ERFE: variants seen among roughly 807,000 people sequenced by gnomAD.
The protein encoded by ERFE is erythroferrone, also known as complement C1q tumor necrosis factor-related protein 15.
A neutral mutation model predicts 26.6 loss-of-function variants in ERFE; 25 were observed. That is an observed-to-expected ratio of 0.94 (90% CI 0.69 to 1.31). The LOEUF (loss-of-function observed/expected upper bound fraction) is 1.31, where lower values mean the gene tolerates loss of function less well. ERFE is among the 40% of genes most tolerant of loss of function. ERFE has a pLI of 0.00. For synonymous variants in ERFE, 206 were observed against 204.5 expected (o/e 1.01, Z -0.06); for missense variants, 447 against 440.2 (o/e 1.02, Z -0.14).
At chr2:238,163,630 C>T in intron 3 of ERFE, 107 bp from the exon 4 acceptor site, 1 of 1,200,352 alleles carries the variant, frequency 8.3e-7, no homozygotes, top group Non-Finnish European at 1.0e-6. Context: ...CCCACCCCTG[C>T]GCCCGGCAGG....
At position 238,159,136 on chromosome 2, in the gene ERFE, G is replaced by A. The variant is rs1692898776; in HGVS notation, c.129G>A (p.Glu43=). The A allele has an allele frequency of 9.8e-6, 2 of 203,998 alleles. No individual in the cohort carries two copies. Among genetic ancestry groups the A allele is most frequent in the African/African-American group, 2.4e-5 (1 of 42,062 alleles). The allele number at this position is 203,998 out of a possible 1,614,324, so 12.6% of individuals were successfully genotyped here. ...GAPSRSRARR[E]PPPGNELPRG... Reference sequence around the variant, plus strand: ...CCTCGAGGAGCCGCGCCCGCAGGGAGCCGCCGCCCGGGAACGAGCTGCCCC... The same window carrying A: ...CCTCGAGGAGCCGCGCCCGCAGGGAACCGCCGCCCGGGAACGAGCTGCCCC... The change falls in exon 1 of 8, where the codon GAG becomes GAA. Residue 43 remains glutamate (E), a synonymous_variant. Coordinates refer to ENST00000546354, the MANE Select transcript of ERFE (RefSeq NM_001291832.2).
At position 238,168,196 on chromosome 2, in the gene ERFE, A is replaced by G. The variant is rs114462125; in HGVS notation, c.*1142A>G. On this transcript the variant is annotated 3_prime_UTR_variant, in exon 8 of 8. Transcript: ENST00000546354. ...CCTGGGGATGGGGACGGCAGCTCTC[A>G]TGAGGACACACAGGCTGTGAGCCCG... is the stretch of plus-strand genomic sequence containing the variant. 0.011 allele frequency: 3,579 copies of G among 338,086 alleles called. 58 individuals are homozygous for G. Among genetic ancestry groups the G allele is most frequent in the South Asian group, 0.035 (1,460 of 42,154 alleles). 20.9% of individuals were successfully genotyped at this position (338,086 alleles called of 1,614,324 possible). A position where few individuals can be genotyped will look rare whatever the true frequency, so the allele number is the denominator to read the frequency against.
Position 238,163,835 on chromosome 2 carries a change from G to A in ERFE, c.523G>A (p.Gly175Arg), listed in dbSNP as rs1432772243. The A allele has an allele frequency of 1.5e-6, 2 of 1,321,836 alleles. No homozygotes were observed. The highest frequency in any genetic ancestry group is 1.5e-5 in the African/African-American group (1 of 64,890). 81.9% of individuals were successfully genotyped at this position (1,321,836 alleles called of 1,614,324 possible). Residue 175 changes from glycine (G) to arginine (R), a missense_variant, in exon 4 of 8, where the codon GGG (glycine) becomes AGG (arginine). Transcript: ENST00000546354. ...ASLAPVSATA[G>R]EDDDDVVGDV... is the part of the protein sequence containing the mutation. ...CCTCGCCCCGGTCTCGGCCACCGCC[G>A]GGGAGGACGACGACGACGTGGTGGG...
chr2:238,164,703 A>G, intron 6 of ERFE: 1 of 270,326 alleles, frequency 3.7e-6, no homozygotes, highest in Non-Finnish European at 7.0e-6. Context: ...AAATACAAAA[A>G]ATTACCCGGG....
At chr2:238,163,694 G>A in intron 3 of ERFE, 43 bp from the exon 4 acceptor site, 1 of 1,272,528 alleles carries the variant, frequency 7.9e-7, no homozygotes, top group Non-Finnish European at 9.9e-7. Flanking sequence ...CGGCGGGCGG[G>A]TGAGGGGTCC....
At position 238,167,196 on chromosome 2, in the gene ERFE, C is replaced by A; in HGVS notation, c.*142C>A. 1.1e-6 allele frequency: 1 copy of A among 881,162 alleles called. No individual in the cohort carries two copies. Among genetic ancestry groups the A allele is most frequent in the Non-Finnish European group, 1.8e-6 (1 of 548,582 alleles). The allele number at this position is 881,162 out of a possible 1,614,324, so 54.6% of individuals were successfully genotyped here. ...CCACACTGGCCACTGCAGTTCAGCC[C>A]ACAGAGCCACTGCAGGCAGGCCTAC... is the stretch of plus-strand genomic sequence containing the variant. On this transcript the variant is annotated 3_prime_UTR_variant, in exon 8 of 8. Transcript: ENST00000546354.
chr2:238,167,024 C>A lies in ERFE; in HGVS notation c.1035C>A (p.Ser345=). 2 of 1,550,542 alleles carry A rather than the reference C, an allele frequency of 1.3e-6. No homozygotes were observed. Among genetic ancestry groups the A allele is most frequent in the Non-Finnish European group, 1.7e-6 (2 of 1,146,990 alleles). ...SGCSLTVRSG[S]HFSAVLLGV ...GCTCCCTCACAGTGCGCAGTGGCTCCCACTTCAGTGCTGTCCTCCTGGGCG... is the reference window on the plus strand; with the variant it reads ...GCTCCCTCACAGTGCGCAGTGGCTCACACTTCAGTGCTGTCCTCCTGGGCG... Residue 345 remains serine (S), a synonymous_variant, in exon 8 of 8, where the codon TCC becomes TCA. Coordinates refer to ENST00000546354, the MANE Select transcript of ERFE (RefSeq NM_001291832.2).
intron 1 of ERFE, among the ~76,000 whole-genome samples, chr2:238,160,870 C>G (rs957661541): frequency 6.6e-6 from 1 of 152,182 alleles, no homozygotes; most frequent in Non-Finnish European, 1.5e-5. Context: ...CCAGATAGCC[C>G]AAGGCCTCTC....
Position 238,159,218 on chromosome 2 carries a change from GGCCCGCTCCAGACCCAGCCCGC to G in ERFE, c.198+20_198+41del. On this transcript the variant is annotated intron_variant, in intron 1 of 7. Transcript: ENST00000546354. Reference sequence around the variant, plus strand: ...CGCTCGTCCGCCGGTAAGACGCCCGGGCCCGCTCCAGACCCAGCCCGCGCCCGCACGCCCCGGCTCGGGGCGG... The same window carrying G: ...CGCTCGTCCGCCGGTAAGACGCCCGGGCCCGCACGCCCCGGCTCGGGGCGG... 4.8e-6 allele frequency: 1 copy of G among 209,482 alleles called. No homozygotes were observed. The highest frequency in any genetic ancestry group is 9.4e-6 in the Non-Finnish European group (1 of 106,626). 13.0% of individuals were successfully genotyped at this position (209,482 alleles called of 1,614,324 possible).
At chr2:238,165,449 C>G (rs555772798) in intron 6 of ERFE, 157 bp from the exon 7 acceptor site, 1 of 620,210 alleles carries the variant, frequency 1.6e-6, no homozygotes, top group African/African-American at 1.8e-5. Flanking sequence ...CCTTCCTCCT[C>G]TTGGGGACTC....
chr2:238,163,793 G>A lies in ERFE; in HGVS notation c.481G>A (p.Gly161Arg). 1.5e-6 allele frequency: 2 copies of A among 1,353,772 alleles called. No individual in the cohort carries two copies. The highest frequency in any genetic ancestry group is 3.1e-5 in the East Asian group (1 of 32,122). 83.9% of individuals were successfully genotyped at this position (1,353,772 alleles called of 1,614,324 possible). A position where few individuals can be genotyped will look rare whatever the true frequency, so the allele number is the denominator to read the frequency against. The change falls in exon 4 of 8, where the codon GGG becomes AGG. Residue 161 changes from glycine to arginine, a missense_variant. Coordinates refer to ENST00000546354, the MANE Select transcript of ERFE (RefSeq NM_001291832.2). ...CGAACCCTGTACGTGTGGCCCCGCCGGGCCGGTCGCTGCGAGCCTCGCCCC... is the reference window on the plus strand; with the variant it reads ...CGAACCCTGTACGTGTGGCCCCGCCAGGCCGGTCGCTGCGAGCCTCGCCCC... ...EPEPCTCGPA[G>R]PVAASLAPVS...
chr2:238,166,067 C>T (rs966944989), intron 7 of ERFE, among the ~76,000 whole-genome samples: 2 of 152,228 alleles, frequency 1.3e-5, no homozygotes, highest in Non-Finnish European at 2.9e-5. Context: ...CCCAGGCTGA[C>T]GCCCTGAGTC....
intron 1 of ERFE, among the ~76,000 whole-genome samples, chr2:238,160,826 G>A (rs998506300): frequency 1.3e-5 from 2 of 152,168 alleles, no homozygotes; most frequent in African/African-American, 2.4e-5. Context: ...CTCTTGGGCC[G>A]GTTTCCTTCC....
chr2:238,163,586 G>C, intron 3 of ERFE, 151 bp from the exon 4 acceptor site: 2 of 961,080 alleles, frequency 2.1e-6, no homozygotes, highest in Non-Finnish European at 2.7e-6. Flanking sequence ...CAAAGACTCC[G>C]AGGCCCTTCA....
chr2:238,164,495 C>G, intron 6 of ERFE, 135 bp downstream of exon 6: 1 of 782,462 alleles, frequency 1.3e-6, no homozygotes, highest in Non-Finnish European at 2.1e-6. Flanking sequence ...ACACCTTCTT[C>G]CAGGTCTCCC....
chr2:238,168,477 T>TAAC lies in ERFE; in HGVS notation c.*1424_*1426dup. On this transcript the variant is annotated 3_prime_UTR_variant, in exon 8 of 8. Transcript: ENST00000546354. ...GCAATGGCCAGTCACCTTCACCTTC[T>TAAC]AACTAACTAGCCTCCGGATGAGGTG... 6 of 470,788 alleles carry TAAC rather than the reference T, an allele frequency of 1.3e-5. No individual in the cohort carries two copies. The highest frequency in any genetic ancestry group is 9.3e-5 in the South Asian group (6 of 64,544). The allele number at this position is 470,788 out of a possible 1,614,324, so 29.2% of individuals were successfully genotyped here. A position where few individuals can be genotyped will look rare whatever the true frequency, so the allele number is the denominator to read the frequency against.
Position 238,165,702 on chromosome 2 carries a change from G to C in ERFE, c.966+18G>C. On this transcript the variant is annotated intron_variant, in intron 7 of 7. Transcript: ENST00000546354. ...ACCTGCAGGTGAGTGCGGCAGGCTT[G>C]GGCATCGAGGGGCACCGCCTGGGCA... is the stretch of plus-strand genomic sequence containing the variant. 1.9e-6 allele frequency: 3 copies of C among 1,543,200 alleles called. No homozygotes were observed. The highest frequency in any genetic ancestry group is 2.6e-6 in the Non-Finnish European group (3 of 1,141,302).
rs1692983711 is a variant in ERFE at position 238,163,941 on chromosome 2, T to C, written c.629T>C (p.Leu210Pro). ...PRVEAAFLCR[L>P]RRDALVERRA... ...GTGGAGGCCGCTTTCCTCTGCCGCCTGCGCCGGGACGCGTTGGTGGAGCGG... is the reference window on the plus strand; with the variant it reads ...GTGGAGGCCGCTTTCCTCTGCCGCCCGCGCCGGGACGCGTTGGTGGAGCGG... Residue 210 changes from leucine to proline, a missense_variant, in exon 4 of 8, where the codon CTG becomes CCG. Leu to Pro is a moderately conservative substitution (Grantham distance 98). Transcript: ENST00000546354. 1.1e-5 allele frequency: 15 copies of C among 1,370,230 alleles called. No homozygotes were observed. The highest frequency in any genetic ancestry group is 1.4e-5 in the Non-Finnish European group (15 of 1,068,742). The allele number at this position is 1,370,230 out of a possible 1,614,324, so 84.9% of individuals were successfully genotyped here.
intron 3 of ERFE, among the ~76,000 whole-genome samples, chr2:238,163,240 GC>G (rs1692966948): frequency 6.6e-6 from 1 of 152,224 alleles, no homozygotes; most frequent in Non-Finnish European, 1.5e-5. Flanking sequence ...GTCACCACTG[GC>G]CAGGGCTGGG....
Sources: allele counts gnomAD v4.1 joint callset (sites outside exome capture counted in the v4.1 genomes callset), GRCh38; gene constraint gnomAD v4.1.1; transcripts MANE v1.5; gene names NCBI Gene and HGNC (gene_info 2026-07-23, HGNC 2026-07-21).